RAVER2: variants seen among roughly 807,000 people sequenced by gnomAD.
RAVER2 encodes ribonucleoprotein PTB-binding 2.
A neutral mutation model predicts 78.1 loss-of-function variants in RAVER2; 46 were observed. That is an observed-to-expected ratio of 0.59 (90% CI 0.46 to 0.75). RAVER2 has a LOEUF of 0.75. Among genes scored for constraint, RAVER2 ranks in the 30% least tolerant of loss-of-function variants. The pLI is 0.00. For synonymous variants in RAVER2, 311 were observed against 313.3 expected, an observed-to-expected ratio of 0.99 and a Z score of 0.08; for missense variants, 793 against 837.5, an observed-to-expected ratio of 0.95 and a Z score of 0.66.
intron 2 of RAVER2, among the ~76,000 whole-genome samples, chr1:64,774,971 T>C (rs1652422291): frequency 6.6e-6 from 1 of 152,206 alleles, no homozygotes; most frequent in African/African-American, 2.4e-5. Flanking sequence ...GATTTGGCTC[T>C]CTGTTTGTCT....
At chr1:64,759,544 C>T (rs1570530401) in intron 1 of RAVER2, among the ~76,000 whole-genome samples, 1 of 127,284 alleles carries the variant, frequency 7.9e-6, no homozygotes, top group African/African-American at 3.0e-5. Flanking sequence ...TGAGACGGAG[C>T]TTCGCTCTAA....
At chr1:64,782,684 C>T (rs1458626188) in intron 4 of RAVER2, among the ~76,000 whole-genome samples, 1 of 152,208 alleles carries the variant, frequency 6.6e-6, no homozygotes, top group Non-Finnish European at 1.5e-5. Context: ...AGAAACTACT[C>T]ATACAGTGCT....
At chr1:64,803,190 T>C (rs1450531163) in intron 6 of RAVER2, 129 bp downstream of exon 6, 1 of 619,398 alleles carries the variant, frequency 1.6e-6, no homozygotes, top group Non-Finnish European at 2.7e-6. Context: ...TAATAATAAG[T>C]ATAGGTATGT....
intron 1 of RAVER2, among the ~76,000 whole-genome samples, chr1:64,763,321 T>G (rs1040355899): frequency 6.6e-6 from 1 of 151,728 alleles, no homozygotes; most frequent in Non-Finnish European, 1.5e-5. Context: ...TTCTACGAGT[T>G]AATAAAAAAG....
chr1:64,801,029 C>T (rs1374068440), intron 5 of RAVER2, among the ~76,000 whole-genome samples: 2 of 150,556 alleles, frequency 1.3e-5, no homozygotes, highest in Non-Finnish European at 3.0e-5. Context: ...ATATATATTA[C>T]AAGAAGATGT....
chr1:64,807,041 A>G (rs1326033136), intron 8 of RAVER2, among the ~76,000 whole-genome samples, 165 bp from the exon 9 acceptor site: 2 of 152,172 alleles, frequency 1.3e-5, no homozygotes, highest in Non-Finnish European at 2.9e-5. Context: ...TTTTTTTCAT[A>G]AAGGAACCCA....
At chr1:64,812,777 C>T in exon 10 of RAVER2, 1 of 1,612,586 alleles carries the variant, frequency 6.2e-7, no homozygotes, top group Non-Finnish European at 8.5e-7. Context: ...GGGAGAACCA[C>T]CAAAAGAAAT....
At chr1:64,767,408 A>C (rs1214176091) in intron 1 of RAVER2, among the ~76,000 whole-genome samples, 3 of 152,058 alleles carry the variant, frequency 2.0e-5, no homozygotes, top group Non-Finnish European at 2.9e-5. Context: ...GCAAGTGACT[A>C]GCTATATGTC....
At chr1:64,770,435 G>A (rs961096464) in intron 2 of RAVER2, among the ~76,000 whole-genome samples, 1 of 151,912 alleles carries the variant, frequency 6.6e-6, no homozygotes, top group Non-Finnish European at 1.5e-5. Context: ...AGACCAGAAC[G>A]GATCAAAGTG....
At chr1:64,773,852 G>C (rs1401407832) in intron 2 of RAVER2, among the ~76,000 whole-genome samples, 1 of 152,126 alleles carries the variant, frequency 6.6e-6, no homozygotes, top group Non-Finnish European at 1.5e-5. Context: ...GTTGTTTCCT[G>C]ACTTTTTAAT....
In RAVER2 at chr1:64,814,776, G is replaced by A. The variant is rs199618452; in HGVS notation, c.1865G>A (p.Ser622Asn). 6.2e-5 allele frequency: 98 copies of A among 1,591,930 alleles called. No homozygotes were observed. The African/African-American group carries it at 1.2e-3, about 20-fold the overall frequency. ...ATTCTGGATGCAATCTCTCAGGGAA[G>A]TGAATCACAACACGCATTGGAAAAG... The change falls in exon 11 of 12, where the codon AGT becomes AAT. Residue 622 changes from serine to asparagine, a missense_variant. Transcript: ENST00000294428.
Position 64,788,362 on chromosome 1 carries a change from C to T in RAVER2, c.979-1026C>T, listed in dbSNP as rs558461021. 3.8e-4 allele frequency among the ~76,000 whole-genome samples: 58 copies of T among 151,624 alleles called. No homozygotes were observed. The Middle Eastern group carries it at 0.01, about 27-fold the overall frequency. On this transcript the variant is annotated intron_variant, in intron 4 of 11. Transcript: ENST00000294428. ...TGGCGGGCACCTGTAGTCCCAGCTACTTGGGAGGCTGAGGCAGGAGAATGG... is the reference window on the plus strand; with the variant it reads ...TGGCGGGCACCTGTAGTCCCAGCTATTTGGGAGGCTGAGGCAGGAGAATGG...
chr1:64,831,934 A>G (rs1277058966), exon 12 of RAVER2: 2 of 152,206 alleles, frequency 1.3e-5, no homozygotes, highest in Non-Finnish European at 2.9e-5. Flanking sequence ...TATGGCCTAC[A>G]AAGACCATAT....
chr1:64,822,059 G>A (rs966780872), intron 11 of RAVER2, among the ~76,000 whole-genome samples: 1 of 152,194 alleles, frequency 6.6e-6, no homozygotes, highest in Non-Finnish European at 1.5e-5. Context: ...AGGCCATGGC[G>A]GGCGGATCAC....
Position 64,830,828 on chromosome 1 carries a change from T to C in RAVER2, c.1930-11T>C, listed in dbSNP as rs1174649660. 1.3e-6 allele frequency: 2 copies of C among 1,568,264 alleles called. No homozygotes were observed. The highest frequency in any genetic ancestry group is 1.7e-6 in the Non-Finnish European group (2 of 1,155,856). On this transcript the variant is annotated splice_polypyrimidine_tract_variant and intron_variant, in intron 11 of 11. Transcript: ENST00000294428. ...GATTTTAAAACTAGCTGCAATTTTA[T>C]TTTCTCATAGGTGTCATCTTTAAGA...
intron 5 of RAVER2, among the ~76,000 whole-genome samples, chr1:64,802,022 A>G (rs1029816620): frequency 1.3e-5 from 2 of 152,258 alleles, no homozygotes; most frequent in Admixed American, 6.5e-5. Flanking sequence ...ATGGTGGGCA[A>G]TTCCCAGAAC....
chr1:64,790,750 A>T (rs1472873672), intron 5 of RAVER2, among the ~76,000 whole-genome samples: 1 of 152,240 alleles, frequency 6.6e-6, no homozygotes, highest in Admixed American at 6.5e-5. Flanking sequence ...GAACTAATGT[A>T]TTCAACATTT....
chr1:64,819,682 C>T (rs1440195721), intron 11 of RAVER2, among the ~76,000 whole-genome samples: 1 of 152,202 alleles, frequency 6.6e-6, no homozygotes, highest in Non-Finnish European at 1.5e-5. Context: ...TTTACCTAGG[C>T]ACATTATAAT....
At chr1:64,820,124 AG>A (rs1213753865) in intron 11 of RAVER2, among the ~76,000 whole-genome samples, 1 of 152,238 alleles carries the variant, frequency 6.6e-6, no homozygotes, top group African/African-American at 2.4e-5. Flanking sequence ...GTACATCAAA[AG>A]TAACTCTAAG....
Sources: gnomAD v4.1 joint callset for allele counts (sites outside exome capture counted in the v4.1 genomes callset) on GRCh38, gnomAD v4.1.1 for gene constraint, MANE v1.5 for transcripts, NCBI Gene and HGNC (gene_info 2026-07-23, HGNC 2026-07-21) for gene names.